Variants in FGD5 observed in about 807,000 individuals in gnomAD.
FGD5 encodes FYVE, RhoGEF and PH domain containing 5.
A neutral mutation model predicts 133.4 loss-of-function variants in FGD5; 28 were observed. The ratio of observed to expected loss-of-function variants is 0.21; its 90% confidence interval spans 0.16 to 0.29. FGD5 has a LOEUF of 0.29. Among genes scored for constraint, FGD5 ranks in the 10% least tolerant of loss-of-function variants. The pLI, the probability that FGD5 is intolerant of heterozygous loss-of-function variation, is 1.00. For missense variants in FGD5, 1,858 were observed against 1,895.2 expected (o/e 0.98, Z 0.36); for synonymous variants, 810 against 776.5 (o/e 1.04, Z -0.72).
intron 1 of FGD5, among the ~76,000 whole-genome samples, chr3:14,860,723 C>T (rs1158531719): frequency 6.6e-6 from 1 of 152,008 alleles, no homozygotes; most frequent in Non-Finnish European, 1.5e-5. Flanking sequence ...CCTATAATTC[C>T]AGCTACTGGG....
intron 1 of FGD5, among the ~76,000 whole-genome samples, chr3:14,842,097 T>C (rs1056892192): frequency 6.6e-6 from 1 of 152,224 alleles, no homozygotes; most frequent in Admixed American, 6.5e-5. Flanking sequence ...AAATGCCAAG[T>C]TGTCCTCAAA....
intron 10 of FGD5, among the ~76,000 whole-genome samples, chr3:14,908,611 G>T (rs1226261286): frequency 6.6e-6 from 1 of 152,162 alleles, no homozygotes; most frequent in Non-Finnish European, 1.5e-5. Flanking sequence ...ATGGGGCCGG[G>T]TGTGGTGGCT....
intron 11 of FGD5, among the ~76,000 whole-genome samples, chr3:14,916,186 C>T (rs746818749): frequency 9.2e-5 from 14 of 152,210 alleles, no homozygotes; most frequent in Admixed American, 3.9e-4. Context: ...TCTGTGTCCA[C>T]GATAAAGTAA....
Position 14,889,823 on chromosome 3 carries a change from A to G in FGD5, c.2749-7686A>G, listed in dbSNP as rs182681096. ...AACGGAATCCTTCGTTCTGTTTATT[A>G]GCCATTTGGGAACGCTTTTGAATGT... On this transcript the variant is annotated intron_variant, in intron 4 of 19. Coordinates refer to ENST00000285046, the MANE Select transcript of FGD5 (RefSeq NM_152536.4). Among the ~76,000 whole-genome samples, 5 of 152,262 alleles carry G rather than the reference A, an allele frequency of 3.3e-5. No homozygotes were observed. In the East Asian group the frequency reaches 9.6e-4, roughly 29 times the overall value.
intron 11 of FGD5, among the ~76,000 whole-genome samples, chr3:14,913,234 T>C (rs1241807358): frequency 6.6e-6 from 1 of 152,190 alleles, no homozygotes; most frequent in Admixed American, 6.5e-5. Flanking sequence ...ATTAAATTCC[T>C]GGCATTTAAT....
chr3:14,843,191 G>A (rs2036957702), intron 1 of FGD5, among the ~76,000 whole-genome samples: 2 of 152,078 alleles, frequency 1.3e-5, no homozygotes, highest in African/African-American at 2.4e-5. Flanking sequence ...TCGATGAAAG[G>A]AAGGGTCCCC....
At chr3:14,880,098 G>A (rs1452782553) in intron 2 of FGD5, among the ~76,000 whole-genome samples, 1 of 152,112 alleles carries the variant, frequency 6.6e-6, no homozygotes. Flanking sequence ...TATAATTTCA[G>A]CACTTTGGGA....
chr3:14,920,658 G>T (rs13327251), intron 13 of FGD5, among the ~76,000 whole-genome samples: 100 of 152,162 alleles, frequency 6.6e-4, no homozygotes, highest in African/African-American at 2.4e-3. Flanking sequence ...GGTAATGACA[G>T]CAGTAACAGG....
intron 1 of FGD5, among the ~76,000 whole-genome samples, chr3:14,858,461 T>C (rs2037332367): frequency 6.6e-6 from 1 of 152,078 alleles, no homozygotes; most frequent in Non-Finnish European, 1.5e-5. Context: ...GAGGGCTTTC[T>C]CATATGTAGT....
chr3:14,863,785 C>G (rs568553540), intron 1 of FGD5, among the ~76,000 whole-genome samples: 40 of 152,342 alleles, frequency 2.6e-4, no homozygotes, highest in Admixed American at 2.2e-3. Flanking sequence ...AGGACTAACC[C>G]TGCCGCCTGA....
chr3:14,848,097 C>T (rs891580642), intron 1 of FGD5, among the ~76,000 whole-genome samples: 4 of 152,150 alleles, frequency 2.6e-5, no homozygotes, highest in African/African-American at 9.7e-5. Flanking sequence ...TCGGTGTTTA[C>T]AGGAAATGCA....
intron 1 of FGD5, among the ~76,000 whole-genome samples, chr3:14,823,461 G>A (rs886482227): frequency 2.6e-5 from 4 of 152,102 alleles, no homozygotes; most frequent in Non-Finnish European, 4.4e-5. Flanking sequence ...GCCAGGTGAG[G>A]GAGCTTATTT....
chr3:14,844,235 T>A (rs1462187659), intron 1 of FGD5, among the ~76,000 whole-genome samples: 1,229 of 31,182 alleles, frequency 0.039, 154 homozygotes, highest in Non-Finnish European at 0.051. Flanking sequence ...TATATATATA[T>A]ATATATATAT....
At chr3:14,926,011 C>G (rs2038795948) in intron 17 of FGD5, 59 bp from the exon 18 acceptor site, 14 of 1,602,344 alleles carry the variant, frequency 8.7e-6, no homozygotes, top group Middle Eastern at 1.9e-4. Flanking sequence ...GAATTGTGCT[C>G]TGTTTGAACT....
chr3:14,877,230 G>A (rs969167841), intron 2 of FGD5, among the ~76,000 whole-genome samples: 1 of 152,248 alleles, frequency 6.6e-6, no homozygotes, highest in African/African-American at 2.4e-5. Context: ...CAGTTTCTGC[G>A]TGCCTCGGGC....
At chr3:14,900,888 G>A (rs1445256549) in intron 8 of FGD5, 115 bp from the exon 9 acceptor site, 3 of 1,118,264 alleles carry the variant, frequency 2.7e-6, no homozygotes, top group Non-Finnish European at 4.1e-6. Flanking sequence ...CACTGTCAAG[G>A]TCACCTAGGC....
intron 2 of FGD5, among the ~76,000 whole-genome samples, chr3:14,865,726 C>A (rs1019509731): frequency 2.0e-5 from 3 of 152,228 alleles, no homozygotes; most frequent in Admixed American, 2.0e-4. Context: ...GGTTAAGTAA[C>A]TTGCCCAAGG....
chr3:14,918,939 G>C, intron 13 of FGD5, 106 bp downstream of exon 13: 1 of 1,210,354 alleles, frequency 8.3e-7, no homozygotes, highest in African/African-American at 1.5e-5. Flanking sequence ...TATCCTTCTG[G>C]GTCAAAGTAT....
At chr3:14,838,525 C>T (rs1484409703) in intron 1 of FGD5, among the ~76,000 whole-genome samples, 1 of 152,140 alleles carries the variant, frequency 6.6e-6, no homozygotes, top group Non-Finnish European at 1.5e-5. Flanking sequence ...AGGTCTATCC[C>T]AAATGCAAAA....
Sources: gnomAD v4.1 joint callset for allele counts (sites outside exome capture counted in the v4.1 genomes callset) on GRCh38, gnomAD v4.1.1 for gene constraint, MANE v1.5 for transcripts, NCBI Gene and HGNC (gene_info 2026-07-23, HGNC 2026-07-21) for gene names.